The following CEP63 variants were observed in gnomAD, a reference collection of about 807,000 sequenced individuals.
The protein encoded by CEP63 is centrosomal protein of 63 kDa.
CEP63 carries 84 observed loss-of-function variants against 89.1 expected under a neutral mutation model. That is an observed-to-expected ratio of 0.94 (90% CI 0.79 to 1.13). The LOEUF (loss-of-function observed/expected upper bound fraction) is 1.13, where lower values mean the gene tolerates loss of function less well. Ranked by LOEUF, CEP63 falls within the 50% of genes most tolerant of loss-of-function variation. The pLI, the probability that CEP63 is intolerant of heterozygous loss-of-function variation, is 0.00. For synonymous variants in CEP63, 267 were observed against 272.5 expected, an observed-to-expected ratio of 0.98 and a Z score of 0.20; for missense variants, 838 against 813.3, an observed-to-expected ratio of 1.03 and a Z score of -0.37.
At chr3:134,719,549 A>G in the CEP63 span, among the ~76,000 whole-genome samples, 1 of 152,222 alleles carries the variant, frequency 6.6e-6, no homozygotes, top group Non-Finnish European at 1.5e-5. Context: ...TGGTTGTGAC[A>G]TCATCACCAC....
chr3:134,670,170 AT>A, the CEP63 span, among the ~76,000 whole-genome samples: 3 of 152,230 alleles, frequency 2.0e-5, no homozygotes, highest in African/African-American at 7.2e-5. Context: ...ATAATTTACT[AT>A]AGCAGCCTAA....
At chr3:134,644,950 C>G in the CEP63 span, among the ~76,000 whole-genome samples, 1 of 152,298 alleles carries the variant, frequency 6.6e-6, no homozygotes, top group Admixed American at 6.5e-5. Flanking sequence ...CCAGATCAGG[C>G]GAGGAAAGGG....
chr3:134,523,438 G>A (rs1266722040), intron 3 of CEP63, among the ~76,000 whole-genome samples: 1 of 151,996 alleles, frequency 6.6e-6, no homozygotes, highest in Non-Finnish European at 1.5e-5. Context: ...GTTGCTTTTG[G>A]TGTCTTTGTC....
the CEP63 span, among the ~76,000 whole-genome samples, chr3:134,609,491 A>G: frequency 0.63 from 95,477 of 152,070 alleles, 30,424 homozygotes; most frequent in East Asian, 0.87. Context: ...TGGGAGTGTC[A>G]AGATTTAAGG....
the CEP63 span, among the ~76,000 whole-genome samples, chr3:134,746,048 A>G: frequency 6.8e-6 from 1 of 147,984 alleles, no homozygotes; most frequent in Non-Finnish European, 1.5e-5. Context: ...TATTTCTCCT[A>G]ATGCTATCCC....
intron 7 of CEP63, 98 bp from the exon 8 acceptor site, chr3:134,546,051 A>G: frequency 1.5e-6 from 2 of 1,337,078 alleles, no homozygotes; most frequent in Non-Finnish European, 2.1e-6. Context: ...AAATAGAAAA[A>G]TTGTAATAAT....
chr3:134,703,714 C>T, the CEP63 span, among the ~76,000 whole-genome samples: 3 of 152,120 alleles, frequency 2.0e-5, no homozygotes, highest in South Asian at 4.2e-4. Context: ...ATGATCTGTG[C>T]AGGAAACCAC....
the CEP63 span, among the ~76,000 whole-genome samples, chr3:134,741,891 A>G: frequency 1.2e-4 from 18 of 152,222 alleles, no homozygotes; most frequent in East Asian, 3.3e-3. Flanking sequence ...TTTCTTCCCA[A>G]GGAAGCTCAC....
At chr3:134,487,010 AC>A (rs1935751956) in intron 1 of CEP63, among the ~76,000 whole-genome samples, 1 of 152,204 alleles carries the variant, frequency 6.6e-6, no homozygotes. Context: ...GTCGTCTTTT[AC>A]AGTTTCAGCA....
At chr3:134,616,478 T>G in the CEP63 span, among the ~76,000 whole-genome samples, 1 of 152,186 alleles carries the variant, frequency 6.6e-6, no homozygotes, top group Non-Finnish European at 1.5e-5. Context: ...GCAGTTATTT[T>G]AAAGGTAAAG....
At chr3:134,751,490 G>A in the CEP63 span, among the ~76,000 whole-genome samples, 2 of 152,100 alleles carry the variant, frequency 1.3e-5, no homozygotes, top group African/African-American at 4.8e-5. Context: ...GACTTCCCAG[G>A]GCACTATGAC....
chr3:134,593,279 T>C, the CEP63 span, among the ~76,000 whole-genome samples: 1 of 152,208 alleles, frequency 6.6e-6, no homozygotes, highest in East Asian at 1.9e-4. Flanking sequence ...GACTGATGCA[T>C]CGTGATGGTA....
intron 3 of CEP63, among the ~76,000 whole-genome samples, chr3:134,529,215 A>G (rs1172065605): frequency 6.6e-6 from 1 of 152,130 alleles, no homozygotes; most frequent in Admixed American, 6.5e-5. Context: ...CTATTTTAAT[A>G]CAGCTTAATG....
the CEP63 span, among the ~76,000 whole-genome samples, chr3:134,765,891 T>G: frequency 6.6e-6 from 1 of 152,282 alleles, no homozygotes; most frequent in Admixed American, 6.5e-5. Flanking sequence ...AAAGACATAC[T>G]GGGGCATCTG....
the CEP63 span, among the ~76,000 whole-genome samples, chr3:134,756,771 C>A: frequency 0.055 from 8,348 of 152,194 alleles, 436 homozygotes; most frequent in African/African-American, 0.12. Flanking sequence ...GGAAACCAGT[C>A]CTGCCCTGAC....
At chr3:134,493,482 T>C (rs963964911) in intron 1 of CEP63, among the ~76,000 whole-genome samples, 1 of 152,060 alleles carries the variant, frequency 6.6e-6, no homozygotes, top group African/African-American at 2.4e-5. Flanking sequence ...GGAACCTTTT[T>C]CTTTAGGTTT....
chr3:134,491,933 TG>T, intron 1 of CEP63, among the ~76,000 whole-genome samples: 2 of 152,320 alleles, frequency 1.3e-5, no homozygotes, highest in Middle Eastern at 6.8e-3. Context: ...AATTTGGTCT[TG>T]GGCATATACT....
chr3:134,584,287 C>T (rs534820022), intron 10 of CEP63, among the ~76,000 whole-genome samples: 1 of 152,284 alleles, frequency 6.6e-6, no homozygotes, highest in East Asian at 1.9e-4. Flanking sequence ...AATTTTTGCC[C>T]ATTCAGTATG....
intron 3 of CEP63, among the ~76,000 whole-genome samples, chr3:134,522,315 G>C (rs946356485): frequency 6.6e-6 from 1 of 152,146 alleles, no homozygotes; most frequent in African/African-American, 2.4e-5. Context: ...GAAGGACAGG[G>C]ATCTTCAAGT....
Sources: gnomAD v4.1 joint callset for allele counts (sites outside exome capture counted in the v4.1 genomes callset) on GRCh38, gnomAD v4.1.1 for gene constraint, MANE v1.5 for transcripts, NCBI Gene and HGNC (gene_info 2026-07-23, HGNC 2026-07-21) for gene names.